NCKAP5: variants seen among roughly 807,000 people sequenced by gnomAD.
NCKAP5 encodes nck-associated protein 5.
Under a neutral mutation model 167.0 loss-of-function variants are expected in NCKAP5, and 92 were observed. That is an observed-to-expected ratio of 0.55 (90% confidence interval 0.47 to 0.66). The LOEUF is 0.66. NCKAP5 is among the 30% of genes least tolerant of loss of function. NCKAP5 has a pLI of 0.00. For synonymous variants in NCKAP5, 891 were observed against 877.4 expected, an observed-to-expected ratio of 1.02 and a Z score of -0.27; for missense variants, 2,378 against 2,315.0, an observed-to-expected ratio of 1.03 and a Z score of -0.56.
intron 2 of NCKAP5, chr2:133,558,278 C>G (rs977470101): frequency 3.3e-5 from 5 of 152,170 alleles, no homozygotes; most frequent in African/African-American, 1.2e-4. Context: ...TTAAGAGACA[C>G]TGACCATGGT....
intron 2 of NCKAP5, among the ~76,000 whole-genome samples, chr2:133,538,931 G>GTTTTT (rs71412735): frequency 7.4e-5 from 8 of 108,580 alleles, no homozygotes; most frequent in Admixed American, 2.0e-4. Context: ...GTTTTTTTGG[G>GTTTTT]TTTTTTTTTT....
At chr2:133,607,047 T>TA in the NCKAP5 span, among the ~76,000 whole-genome samples, 37 of 152,118 alleles carry the variant, frequency 2.4e-4, no homozygotes, top group Admixed American at 2.0e-4. Flanking sequence ...TTAATCCTTT[T>TA]AAAAAAATCT....
At chr2:132,950,148 C>T (rs2076141366) in intron 8 of NCKAP5, among the ~76,000 whole-genome samples, 1 of 152,030 alleles carries the variant, frequency 6.6e-6, no homozygotes, top group Non-Finnish European at 1.5e-5. Context: ...TTCACTACAC[C>T]TTTACTCCTA....
At chr2:133,249,752 A>G (rs2088205627) in intron 4 of NCKAP5, among the ~76,000 whole-genome samples, 1 of 151,880 alleles carries the variant, frequency 6.6e-6, no homozygotes, top group African/African-American at 2.4e-5. Context: ...ACCAATAACT[A>G]CAAATATAAT....
chr2:132,806,172 T>C (rs1459925445), intron 11 of NCKAP5, among the ~76,000 whole-genome samples: 1 of 152,218 alleles, frequency 6.6e-6, no homozygotes, highest in Non-Finnish European at 1.5e-5. Flanking sequence ...TCTCCACTCA[T>C]TGACTGATGG....
At chr2:133,220,983 G>A (rs12477764) in intron 4 of NCKAP5, among the ~76,000 whole-genome samples, 50,232 of 151,718 alleles carry the variant, frequency 0.33, 9,273 homozygotes, top group Non-Finnish European at 0.41. Flanking sequence ...AGTGTAAGTG[G>A]GAAGAATTAT....
rs1319351385 is a variant in NCKAP5, at chr2:132,673,105, C to T, written c.*184G>A. The stretch of plus-strand genomic sequence containing the variant: ...CACTCAAAGATTCCAAGTTGTCTAC[C>T]CCAGGCCTATCTGAACTACTCAAAG... On this transcript the variant is annotated 3_prime_UTR_variant, in exon 20 of 20. Coordinates refer to ENST00000409261, the MANE Select transcript of NCKAP5 (RefSeq NM_207363.3). 3 of 1,286,616 alleles carry T rather than the reference C, an allele frequency of 2.3e-6. No homozygotes were observed. Among genetic ancestry groups the T allele is most frequent in the African/African-American group, 1.5e-5 (1 of 64,746 alleles). 79.7% of individuals were successfully genotyped at this position (1,286,616 alleles called of 1,614,324 possible). A position where few individuals can be genotyped will look rare whatever the true frequency, so the allele number is the denominator to read the frequency against.
intron 4 of NCKAP5, among the ~76,000 whole-genome samples, chr2:133,242,119 CAAAAAA>C (rs1176776551): frequency 4.1e-5 from 2 of 48,280 alleles, no homozygotes; most frequent in Non-Finnish European, 4.5e-5. Context: ...AACTCTGTCT[CAAAAAA>C]AAAAAAAAAA....
intron 5 of NCKAP5, among the ~76,000 whole-genome samples, chr2:133,177,702 C>T (rs577789933): frequency 7.2e-5 from 11 of 152,178 alleles, no homozygotes; most frequent in Non-Finnish European, 1.3e-4. Flanking sequence ...ACCCCAACAA[C>T]ACCCATGGGA....
At chr2:132,996,398 G>A (rs537419819) in intron 6 of NCKAP5, among the ~76,000 whole-genome samples, 1 of 152,096 alleles carries the variant, frequency 6.6e-6, no homozygotes. Context: ...AAGAGTAAAG[G>A]AAACACACCC....
intron 4 of NCKAP5, among the ~76,000 whole-genome samples, chr2:133,223,804 C>A (rs2086765140): frequency 6.6e-6 from 1 of 152,100 alleles, no homozygotes; most frequent in Admixed American, 6.5e-5. Context: ...GGTCAGTCAG[C>A]AGGAAACTCA....
At chr2:132,898,275 TCA>T (rs1251584658) in intron 8 of NCKAP5, among the ~76,000 whole-genome samples, 1 of 152,232 alleles carries the variant, frequency 6.6e-6, no homozygotes. Flanking sequence ...TTGGAGCAAT[TCA>T]GTCACATCCT....
intron 8 of NCKAP5, among the ~76,000 whole-genome samples, chr2:132,909,624 A>C (rs1473678953): frequency 6.6e-6 from 1 of 152,214 alleles, no homozygotes; most frequent in East Asian, 1.9e-4. Flanking sequence ...CAGAGGAGCT[A>C]ACTGCTTGTG....
Position 133,517,465 on chromosome 2 carries a change from C to A in NCKAP5, c.62G>T (p.Ser21Ile). 1 of 1,510,856 alleles carries A rather than the reference C, an allele frequency of 6.6e-7. No individual in the cohort carries two copies. The highest frequency in any genetic ancestry group is 8.9e-7 in the Non-Finnish European group (1 of 1,122,606). 93.6% of individuals were successfully genotyped at this position (1,510,856 alleles called of 1,614,324 possible). The change falls in exon 3 of 20, where the codon AGT becomes ATT. Residue 21 changes from serine (S) to isoleucine (I), a missense_variant. Ser to Ile is a moderately radical substitution (Grantham distance 142). This residue lies in a region of NCKAP5 where 1,049 missense variants were observed against 1,023.4 expected (regional missense o/e 1.02). Transcript: ENST00000409261. ...DFGKRLSLDSSLVEYMDSNKY... is the reference protein window; with the variant it reads ...DFGKRLSLDSILVEYMDSNKY... ...TGAATATTTAGTACTTACCACAAGA[C>A]TGCTGTCTAGAGACAGCCTTTTTCC...
intron 2 of NCKAP5, among the ~76,000 whole-genome samples, chr2:133,525,082 T>C (rs150168600): frequency 6.6e-5 from 10 of 152,322 alleles, no homozygotes; most frequent in African/African-American, 2.4e-4. Flanking sequence ...TGCCAAATGA[T>C]GTAATTTTCA....
intron 6 of NCKAP5, among the ~76,000 whole-genome samples, chr2:133,030,460 G>A (rs567205193): frequency 7.2e-5 from 11 of 152,258 alleles, no homozygotes; most frequent in East Asian, 3.9e-4. Context: ...GTGTAAATCC[G>A]AACTTTATAG....
intron 6 of NCKAP5, among the ~76,000 whole-genome samples, chr2:133,128,544 G>C (rs563165007): frequency 1.3e-5 from 2 of 151,650 alleles, no homozygotes; most frequent in African/African-American, 4.8e-5. Flanking sequence ...TACTTTTTCA[G>C]AATCTTCCTT....
At chr2:133,567,671 G>C (rs1394850397) in intron 1 of NCKAP5, among the ~76,000 whole-genome samples, 2 of 150,364 alleles carry the variant, frequency 1.3e-5, no homozygotes, top group Non-Finnish European at 3.0e-5. Flanking sequence ...GTGTGTGTGT[G>C]TGTGTGTGTG....
chr2:133,547,461 C>A (rs1004395475), intron 2 of NCKAP5, among the ~76,000 whole-genome samples: 47 of 152,098 alleles, frequency 3.1e-4, no homozygotes, highest in Non-Finnish European at 5.0e-4. Context: ...GTAACCTCTG[C>A]AGACTTAAGT....
Sources: allele counts gnomAD v4.1 joint callset (sites outside exome capture counted in the v4.1 genomes callset), GRCh38; gene constraint gnomAD v4.1.1; regional missense constraint gnomAD v4.1.1; transcripts MANE v1.5; gene names NCBI Gene and HGNC (gene_info 2026-07-23, HGNC 2026-07-21).